SUPT3H: variants seen among roughly 807,000 people sequenced by gnomAD.
The protein encoded by SUPT3H is SPT3 homolog, SAGA and STAGA complex component, also known as transcription initiation protein SPT3 homolog.
SUPT3H carries 44 observed loss-of-function variants against 44.3 expected under a neutral mutation model. The ratio of observed to expected loss-of-function variants is 0.99; its 90% CI spans 0.78 to 1.28. The LOEUF is 1.28. Ranked by LOEUF, SUPT3H falls within the 50% of genes most tolerant of loss-of-function variation. The pLI is 0.00. For synonymous variants in SUPT3H, 124 were observed against 125.6 expected, an observed-to-expected ratio of 0.99 and a Z score of 0.09; for missense variants, 380 against 387.1, an observed-to-expected ratio of 0.98 and a Z score of 0.15.
chr6:45,127,411 C>T (rs1244474966), intron 2 of SUPT3H, among the ~76,000 whole-genome samples: 2 of 152,162 alleles, frequency 1.3e-5, no homozygotes, highest in African/African-American at 4.8e-5. Flanking sequence ...CACCTGACAT[C>T]ATTAAATCAT....
At chr6:45,281,544 A>T (rs1006691653) in intron 2 of SUPT3H, among the ~76,000 whole-genome samples, 1 of 152,034 alleles carries the variant, frequency 6.6e-6, no homozygotes, top group African/African-American at 2.4e-5. Flanking sequence ...AGGTTGGGGG[A>T]GGGGCGCCCA....
intron 2 of SUPT3H, among the ~76,000 whole-genome samples, chr6:45,225,792 C>A (rs1766836041): frequency 6.6e-6 from 1 of 152,088 alleles, no homozygotes; most frequent in African/African-American, 2.4e-5. Context: ...ACAAAAATCT[C>A]TTTTATACCC....
chr6:44,892,494 A>G (rs1763460968), intron 10 of SUPT3H, among the ~76,000 whole-genome samples: 1 of 152,182 alleles, frequency 6.6e-6, no homozygotes, highest in Non-Finnish European at 1.5e-5. Flanking sequence ...TTTAAGCCAT[A>G]AAGTCTGTGG....
At chr6:45,009,842 TATGATTGGTAGAATCAGCGTATTC>T (rs2153509928) in intron 5 of SUPT3H, among the ~76,000 whole-genome samples, 2 of 152,286 alleles carry the variant, frequency 1.3e-5, no homozygotes, top group Admixed American at 1.3e-4. Flanking sequence ...GGTATTTCTA[TATGATTGGTAGAATCAGCGTATTC>T]ATGATTGGTA....
At chr6:45,081,607 A>T (rs1795823007) in intron 3 of SUPT3H, among the ~76,000 whole-genome samples, 1 of 152,148 alleles carries the variant, frequency 6.6e-6, no homozygotes, top group Admixed American at 6.5e-5. Flanking sequence ...TGAATGAATG[A>T]TAGAGCTCCT....
intron 2 of SUPT3H, among the ~76,000 whole-genome samples, chr6:45,115,743 G>A (rs1472320173): frequency 1.3e-5 from 2 of 152,118 alleles, no homozygotes; most frequent in Non-Finnish European, 2.9e-5. Flanking sequence ...AACATTGTGA[G>A]CTTTTTAAAA....
At chr6:45,058,656 T>C (rs1005279488) in intron 3 of SUPT3H, among the ~76,000 whole-genome samples, 1 of 152,128 alleles carries the variant, frequency 6.6e-6, no homozygotes, top group African/African-American at 2.4e-5. Context: ...GTTCAGCTAT[T>C]GTTGAGAAAC....
At chr6:44,874,978 A>T (rs1436457623) in intron 10 of SUPT3H, among the ~76,000 whole-genome samples, 2 of 97,472 alleles carry the variant, frequency 2.1e-5, no homozygotes, top group Non-Finnish European at 4.0e-5. Flanking sequence ...AGAACTACAA[A>T]CCACTGCTCA....
intron 2 of SUPT3H, among the ~76,000 whole-genome samples, chr6:45,185,102 G>A (rs1283769799): frequency 1.3e-5 from 2 of 152,154 alleles, no homozygotes; most frequent in Non-Finnish European, 2.9e-5. Flanking sequence ...AGGAGGAACT[G>A]ATTTTACATT....
chr6:45,333,913 C>G (rs1158062701), intron 2 of SUPT3H, among the ~76,000 whole-genome samples: 1 of 151,188 alleles, frequency 6.6e-6, no homozygotes, highest in Non-Finnish European at 1.5e-5. Context: ...TGATTTTCAT[C>G]TTTTAAATCA....
In SUPT3H at chr6:45,087,240, A is replaced by G. The variant is rs774968699; in HGVS notation, c.186+18682T>C. Among the ~76,000 whole-genome samples, 68 of 152,094 alleles carry G rather than the reference A, an allele frequency of 4.5e-4. 1 individual carries two copies. Among genetic ancestry groups the G allele is most frequent in the Admixed American group, 1.2e-3 (19 of 15,256 alleles). On this transcript the variant is annotated intron_variant, in intron 3 of 10. Coordinates refer to ENST00000371459, the MANE Select transcript of SUPT3H (RefSeq NM_003599.4). ...TTTTCGTTGGTTATTTTTCAAAATA[A>G]TAATGCTGGATGATTAATAAATGAT... is the stretch of plus-strand genomic sequence containing the variant.
chr6:45,104,038 G>T (rs1172045758), intron 3 of SUPT3H, among the ~76,000 whole-genome samples: 2 of 152,078 alleles, frequency 1.3e-5, no homozygotes, highest in Non-Finnish European at 2.9e-5. Flanking sequence ...AAATGTAAGA[G>T]ACTTCATCAT....
chr6:45,111,866 T>C (rs1800123707), intron 2 of SUPT3H, among the ~76,000 whole-genome samples: 1 of 151,076 alleles, frequency 6.6e-6, no homozygotes. Context: ...CTCAGAAAAA[T>C]GGATGAAGTT....
At chr6:45,334,720 C>T (rs1343649458) in intron 2 of SUPT3H, among the ~76,000 whole-genome samples, 1 of 150,912 alleles carries the variant, frequency 6.6e-6, no homozygotes, top group Non-Finnish European at 1.5e-5. Flanking sequence ...AATGCATTCA[C>T]ACCAATGACT....
At chr6:44,948,013 C>A (rs1773630398) in intron 9 of SUPT3H, among the ~76,000 whole-genome samples, 1 of 152,148 alleles carries the variant, frequency 6.6e-6, no homozygotes, top group South Asian at 2.1e-4. Flanking sequence ...CAGCTTTCTA[C>A]ATATGGCTAG....
chr6:44,868,355 G>T (rs560910701), intron 10 of SUPT3H, among the ~76,000 whole-genome samples: 2 of 152,270 alleles, frequency 1.3e-5, no homozygotes, highest in East Asian at 3.9e-4. Context: ...CCAAGTTCAT[G>T]TTTTTCTTGC....
chr6:45,337,985 C>T (rs1788943196), intron 2 of SUPT3H, among the ~76,000 whole-genome samples: 1 of 151,912 alleles, frequency 6.6e-6, no homozygotes, highest in South Asian at 2.1e-4. Flanking sequence ...ATGCTTCTTT[C>T]ATACTCTAAT....
chr6:45,205,358 T>C (rs919818225), intron 2 of SUPT3H, among the ~76,000 whole-genome samples: 1 of 152,206 alleles, frequency 6.6e-6, no homozygotes, highest in Non-Finnish European at 1.5e-5. Context: ...GATCTTTATT[T>C]ATTCCCACAT....
intron 2 of SUPT3H, among the ~76,000 whole-genome samples, chr6:45,273,409 GC>G (rs2153662935): frequency 6.6e-6 from 1 of 152,128 alleles, no homozygotes; most frequent in East Asian, 1.9e-4. Flanking sequence ...TACCACCCAA[GC>G]TTCCCCATAA....
Sources: allele counts gnomAD v4.1 joint callset (sites outside exome capture counted in the v4.1 genomes callset), GRCh38; gene constraint gnomAD v4.1.1; transcripts MANE v1.5; gene names NCBI Gene and HGNC (gene_info 2026-07-23, HGNC 2026-07-21).